Variants in PCID2 observed in about 807,000 individuals in gnomAD.
PCID2 encodes the protein PCI domain containing 2.
PCID2 carries 41 observed loss-of-function variants against 61.3 expected under a neutral mutation model. That is an observed-to-expected ratio of 0.67 (90% CI 0.52 to 0.87). PCID2 has a LOEUF of 0.87. PCID2 is among the 40% of genes least tolerant of loss of function. The pLI, the probability that PCID2 is intolerant of heterozygous loss-of-function variation, is 0.00. For synonymous variants in PCID2, 187 were observed against 177.8 expected, an observed-to-expected ratio of 1.05 and a Z score of -0.41; for missense variants, 392 against 493.4, an observed-to-expected ratio of 0.79 and a Z score of 1.95.
chr13:113,170,577 C>G, the PCID2 span: 4 of 1,104,710 alleles, frequency 3.6e-6, no homozygotes, highest in Non-Finnish European at 5.6e-6. Flanking sequence ...TGGAAATACA[C>G]TATCCTATGT....
At chr13:113,186,951 C>T (rs2038169633) in intron 7 of PCID2, 1 of 152,158 alleles carries the variant, frequency 6.6e-6, no homozygotes, top group East Asian at 1.9e-4. Flanking sequence ...CAAAATGTGT[C>T]CATATAGAAA....
chr13:113,188,480 C>T (rs1595192309), intron 7 of PCID2: 1 of 152,244 alleles, frequency 6.6e-6, no homozygotes, highest in African/African-American at 2.4e-5. Context: ...AAGTGGAAGT[C>T]CACCTGGCCT....
intron 1 of PCID2, 193 bp downstream of exon 1, chr13:113,208,405 AG>A: frequency 6.8e-7 from 1 of 1,473,808 alleles, no homozygotes. Flanking sequence ...GCGGCCCTGC[AG>A]GGGAGAACTC....
rs1177998554 is a variant in PCID2, at chr13:113,177,690, T to C, written c.*508A>G. ...GCATCCATACAGGCAAGCTATAAAA[T>C]CTGGAAAATTTAAATCAAATTAAAT... On this transcript the variant is annotated 3_prime_UTR_variant, in exon 14 of 14. Transcript: ENST00000337344. The C allele has an allele frequency of 6.6e-6, 1 of 152,368 alleles. No individual in the cohort carries two copies. The highest frequency in any genetic ancestry group is 1.9e-4 in the East Asian group (1 of 5,180). The allele number at this position is 152,368 out of a possible 1,614,324, so 9.4% of individuals were successfully genotyped here. A position where few individuals can be genotyped will look rare whatever the true frequency, so the allele number is the denominator to read the frequency against.
chr13:113,168,431 G>T, the PCID2 span, among the ~76,000 whole-genome samples: 8 of 152,228 alleles, frequency 5.3e-5, no homozygotes, highest in African/African-American at 1.7e-4. Flanking sequence ...CTGGCGCAGA[G>T]CCCCAGGCTG....
chr13:113,201,815 CAAAAAAAAA>C (rs34103745), intron 1 of PCID2, among the ~76,000 whole-genome samples: 2 of 59,406 alleles, frequency 3.4e-5, no homozygotes, highest in South Asian at 1.4e-3. Flanking sequence ...GACTCCGTCT[CAAAAAAAAA>C]AAAAAAAAAA....
chr13:113,201,815 C>CAAAA (rs34103745), intron 1 of PCID2, among the ~76,000 whole-genome samples: 8 of 59,402 alleles, frequency 1.3e-4, no homozygotes, highest in East Asian at 4.1e-4. Context: ...GACTCCGTCT[C>CAAAA]AAAAAAAAAA....
intron 9 of PCID2, chr13:113,183,926 C>T (rs1352716153): frequency 2.0e-6 from 2 of 985,300 alleles, no homozygotes; most frequent in East Asian, 1.1e-4. Context: ...GGGCATATCC[C>T]CTGCTTCTAA....
chr13:113,200,628 G>A (rs531829573), intron 1 of PCID2, 112 bp from the exon 2 acceptor site: 1 of 626,388 alleles, frequency 1.6e-6, no homozygotes, highest in Non-Finnish European at 2.9e-6. Context: ...CCCCTACTTT[G>A]AAAGAAGACA....
intron 1 of PCID2, 72 bp from the exon 2 acceptor site, chr13:113,200,588 C>T: frequency 1.0e-6 from 1 of 953,872 alleles, no homozygotes; most frequent in Non-Finnish European, 1.7e-6. Context: ...CAACAATACA[C>T]TGAATGCCAC....
At chr13:113,207,447 A>T (rs1275005246) in intron 1 of PCID2, among the ~76,000 whole-genome samples, 1 of 152,236 alleles carries the variant, frequency 6.6e-6, no homozygotes, top group Non-Finnish European at 1.5e-5. Flanking sequence ...TGATATTGGA[A>T]AATGTTAAGT....
rs1035256398 is a variant in PCID2, at chr13:113,194,937, T to C, written c.363+134A>G. 4 of 674,548 alleles carry C rather than the reference T, an allele frequency of 5.9e-6. No homozygotes were observed. In the African/African-American group the frequency reaches 7.2e-5, roughly 12 times the overall value. The allele number at this position is 674,548 out of a possible 1,614,324, so 41.8% of individuals were successfully genotyped here. On this transcript the variant is annotated intron_variant, in intron 6 of 13. Coordinates refer to ENST00000337344, the MANE Select transcript of PCID2 (RefSeq NM_001127202.4). ...CAGAAAGAATAGTCAATATCTTTCT[T>C]TTGCTCCCTATACCAGACACATCTC...
intron 7 of PCID2, among the ~76,000 whole-genome samples, chr13:113,190,090 T>G (rs2038478801): frequency 1.3e-5 from 2 of 151,650 alleles, no homozygotes; most frequent in Admixed American, 1.3e-4. Flanking sequence ...TATCATGCAC[T>G]TAACACACAT....
intron 1 of PCID2, among the ~76,000 whole-genome samples, chr13:113,201,408 C>T (rs1044258221): frequency 5.9e-5 from 9 of 152,140 alleles, no homozygotes; most frequent in East Asian, 1.9e-4. Flanking sequence ...CAGCTGACTG[C>T]GCAGAACGTC....
At chr13:113,172,091 C>A in the PCID2 span, 22 of 1,612,678 alleles carry the variant, frequency 1.4e-5, no homozygotes, top group Non-Finnish European at 1.8e-5. Context: ...CTGGTTTAAA[C>A]AGATCATGAA....
intron 7 of PCID2, chr13:113,188,654 A>G (rs895075662): frequency 1.3e-5 from 2 of 152,238 alleles, no homozygotes; most frequent in African/African-American, 4.8e-5. Context: ...CCATTTCCAG[A>G]AAAGCCATGA....
chr13:113,173,084 C>G (rs544895628), downstream of PCID2, among the ~76,000 whole-genome samples: 1 of 152,298 alleles, frequency 6.6e-6, no homozygotes, highest in East Asian at 1.9e-4. Context: ...ACCCTGGAGA[C>G]AGAGAGCCCT....
chr13:113,172,157 G>A, the PCID2 span: 6 of 1,597,464 alleles, frequency 3.8e-6, 1 homozygote, highest in Admixed American at 1.0e-4. Flanking sequence ...GGGATTCCAA[G>A]CTGGCACTGC....
intron 6 of PCID2, among the ~76,000 whole-genome samples, chr13:113,191,452 A>C (rs1295260015): frequency 6.6e-6 from 1 of 152,182 alleles, no homozygotes; most frequent in Non-Finnish European, 1.5e-5. Context: ...AGTCTGTATT[A>C]CTCCAATTCT....
Sources: allele counts gnomAD v4.1 joint callset (sites outside exome capture counted in the v4.1 genomes callset), GRCh38; gene constraint gnomAD v4.1.1; transcripts MANE v1.5; gene names NCBI Gene and HGNC (gene_info 2026-07-23, HGNC 2026-07-21).